Variants in ALK observed in about 807,000 individuals in gnomAD.
ALK encodes ALK tyrosine kinase receptor.
In ALK, 74 loss-of-function variants were observed where a neutral mutation model predicts 163.1. The observed-to-expected ratio is 0.45, with a 90% CI of 0.38 to 0.55. The LOEUF (loss-of-function observed/expected upper bound fraction) is 0.55, where lower values mean the gene tolerates loss of function less well. Ranked by LOEUF, ALK falls within the 20% of genes least tolerant of loss-of-function variation. ALK has a pLI of 0.00. For missense variants in ALK, 2,063 were observed against 2,105.3 expected, an observed-to-expected ratio of 0.98 and a Z score of 0.39; for synonymous variants, 960 against 843.2, an observed-to-expected ratio of 1.14 and a Z score of -2.40.
chr2:29,786,241 C>T (rs987873701), intron 1 of ALK, among the ~76,000 whole-genome samples: 1 of 151,966 alleles, frequency 6.6e-6, no homozygotes, highest in Admixed American at 6.6e-5. Flanking sequence ...CTTATATTAT[C>T]TGAAATGTCT....
chr2:29,854,825 A>G (rs1233346697), intron 1 of ALK, among the ~76,000 whole-genome samples: 1 of 152,230 alleles, frequency 6.6e-6, no homozygotes, highest in Non-Finnish European at 1.5e-5. Flanking sequence ...GCAATGTTCT[A>G]AATACTTTAC....
rs563483465 is a variant in ALK at position 29,425,487 on chromosome 2, C to G, written c.1155-41628G>C. 1.5e-4 allele frequency among the ~76,000 whole-genome samples: 23 copies of G among 152,336 alleles called. 2 individuals are homozygous for G. The highest frequency in any genetic ancestry group is 1.0e-3 in the Admixed American group (16 of 15,304). ...AGTTCTCCCTCATAGAGTGGAGTCT[C>G]TACCTCAGGCATGTCATGCTGATAA... is the stretch of plus-strand genomic sequence containing the variant. On this transcript the variant is annotated intron_variant, in intron 4 of 28. Coordinates refer to ENST00000389048, the MANE Select transcript of ALK (RefSeq NM_004304.5).
chr2:29,239,189 T>C (rs1016725843), intron 13 of ALK, among the ~76,000 whole-genome samples: 7 of 152,210 alleles, frequency 4.6e-5, no homozygotes, highest in African/African-American at 1.7e-4. Flanking sequence ...CTTTTCATGC[T>C]TCCTCAGCTC....
At chr2:29,652,029 A>G (rs1170225110) in intron 3 of ALK, among the ~76,000 whole-genome samples, 1 of 152,106 alleles carries the variant, frequency 6.6e-6, no homozygotes, top group Admixed American at 6.6e-5. Context: ...TAAAAAAATG[A>G]TACTTTACAG....
chr2:29,453,560 GA>G (rs1298526178), intron 4 of ALK, among the ~76,000 whole-genome samples: 1 of 151,392 alleles, frequency 6.6e-6, no homozygotes, highest in African/African-American at 2.4e-5. Context: ...TCTTTTTTTT[GA>G]AAAAAATACA....
chr2:29,428,132 C>T (rs1670188351), intron 4 of ALK, among the ~76,000 whole-genome samples: 1 of 151,888 alleles, frequency 6.6e-6, no homozygotes, highest in Admixed American at 6.6e-5. Flanking sequence ...TAAAACAGTG[C>T]TTAAAGAGAA....
intron 4 of ALK, among the ~76,000 whole-genome samples, chr2:29,384,654 G>GTA (rs1052156987): frequency 2.6e-5 from 4 of 151,626 alleles, no homozygotes; most frequent in African/African-American, 9.7e-5. Context: ...GTCTGCGAGT[G>GTA]TGTGTGTGTG....
In ALK at chr2:29,239,672, G is replaced by A. The variant is rs1198288574; in HGVS notation, c.2355+8C>T. 6.2e-7 allele frequency: 1 copy of A among 1,613,650 alleles called. No homozygotes were observed. ...TGCAGACGAGAAACCCCTGCTCTGG[G>A]CACTTACACTGGGGCAGGCGTCCTC... is the stretch of plus-strand genomic sequence containing the variant. On this transcript the variant is annotated splice_region_variant and intron_variant, in intron 13 of 28. Transcript: ENST00000389048.
chr2:29,636,150 T>A (rs1483929844), intron 3 of ALK, among the ~76,000 whole-genome samples: 1 of 152,156 alleles, frequency 6.6e-6, no homozygotes, highest in Non-Finnish European at 1.5e-5. Context: ...TCAAGACATG[T>A]GGTGTTGGGG....
At chr2:29,600,225 C>T (rs1307111759) in intron 3 of ALK, among the ~76,000 whole-genome samples, 1 of 151,982 alleles carries the variant, frequency 6.6e-6, no homozygotes, top group Non-Finnish European at 1.5e-5. Context: ...AGCTCATAAA[C>T]CAAAAATTCT....
At chr2:29,632,804 G>A (rs1355517651) in intron 3 of ALK, among the ~76,000 whole-genome samples, 1 of 152,210 alleles carries the variant, frequency 6.6e-6, no homozygotes, top group Non-Finnish European at 1.5e-5. Context: ...CACATCTTAT[G>A]TGGATGGTGG....
intron 1 of ALK, among the ~76,000 whole-genome samples, chr2:29,848,615 G>C (rs1039595363): frequency 4.6e-5 from 7 of 152,144 alleles, no homozygotes; most frequent in Non-Finnish European, 1.0e-4. Flanking sequence ...ATGGAAAGAG[G>C]GGTAGGCTCT....
chr2:29,438,696 A>C (rs1670463677), intron 4 of ALK, among the ~76,000 whole-genome samples: 1 of 152,146 alleles, frequency 6.6e-6, no homozygotes, highest in South Asian at 2.1e-4. Flanking sequence ...ATGTAGGTGG[A>C]GCTAAGAAGT....
chr2:29,264,247 G>A (rs990869890), intron 11 of ALK, among the ~76,000 whole-genome samples: 10 of 152,194 alleles, frequency 6.6e-5, no homozygotes, highest in Admixed American at 5.9e-4. Flanking sequence ...AGGATGTTGT[G>A]GAAGGCCTTG....
intron 23 of ALK, among the ~76,000 whole-genome samples, chr2:29,216,551 A>C (rs959692277): frequency 2.6e-5 from 4 of 151,916 alleles, no homozygotes; most frequent in Admixed American, 2.6e-4. Context: ...CTGCTCCACT[A>C]ATCAGTGTGC....
intron 4 of ALK, among the ~76,000 whole-genome samples, chr2:29,434,116 T>A (rs1383199163): frequency 6.6e-6 from 1 of 152,162 alleles, no homozygotes; most frequent in Admixed American, 6.5e-5. Flanking sequence ...TTTCACCACT[T>A]GCACCTGTAC....
At position 29,849,925 on chromosome 2, in the gene ALK, A is replaced by C. The variant is rs187128167; in HGVS notation, c.667+70068T>G. On this transcript the variant is annotated intron_variant, in intron 1 of 28. Coordinates refer to ENST00000389048, the MANE Select transcript of ALK (RefSeq NM_004304.5). ...TAGTATTCTTTTTTTATTTGTTTCCATTGTCAAACACACATACAACAGAGT... is the reference window on the plus strand; with the variant it reads ...TAGTATTCTTTTTTTATTTGTTTCCCTTGTCAAACACACATACAACAGAGT... Among the ~76,000 whole-genome samples the C allele has an allele frequency of 5.3e-5, 8 of 152,164 alleles. No homozygotes were observed. The East Asian group carries it at 1.5e-3, about 29-fold the overall frequency.
At chr2:29,809,947 G>A (rs1664711416) in intron 1 of ALK, among the ~76,000 whole-genome samples, 1 of 152,180 alleles carries the variant, frequency 6.6e-6, no homozygotes, top group South Asian at 2.1e-4. Flanking sequence ...GACTTGAAGA[G>A]TTTGACAAGT....
At chr2:29,456,076 G>A (rs1670944699) in intron 4 of ALK, among the ~76,000 whole-genome samples, 1 of 152,118 alleles carries the variant, frequency 6.6e-6, no homozygotes, top group African/African-American at 2.4e-5. Context: ...AGTAGTGAGT[G>A]GGTAAGGTGG....
Sources: allele counts gnomAD v4.1 joint callset (sites outside exome capture counted in the v4.1 genomes callset), GRCh38; gene constraint gnomAD v4.1.1; transcripts MANE v1.5; gene names NCBI Gene and HGNC (gene_info 2026-07-23, HGNC 2026-07-21).